SMAP2: variants seen among roughly 807,000 people sequenced by gnomAD.
SMAP2 encodes the protein stromal membrane-associated protein 2.
A neutral mutation model predicts 56.4 loss-of-function variants in SMAP2; 25 were observed. That is an observed-to-expected ratio of 0.44 (90% CI 0.32 to 0.62). The LOEUF is 0.62. SMAP2 is among the 20% of genes least tolerant of loss of function. The pLI, the probability that SMAP2 is intolerant of heterozygous loss-of-function variation, is 0.04. For missense variants in SMAP2, 388 were observed against 545.6 expected (o/e 0.71, Z 2.88); for synonymous variants, 157 against 181.7 (o/e 0.86, Z 1.09).
intron 1 of SMAP2, among the ~76,000 whole-genome samples, chr1:40,404,190 C>T (rs1228954180): frequency 6.6e-6 from 1 of 152,102 alleles, no homozygotes; most frequent in Non-Finnish European, 1.5e-5. Context: ...TTTCTTTTCT[C>T]TAATTTCAGA....
intron 1 of SMAP2, among the ~76,000 whole-genome samples, chr1:40,394,913 G>A (rs994520769): frequency 6.6e-6 from 1 of 152,084 alleles, no homozygotes; most frequent in East Asian, 1.9e-4. Context: ...TCAGAAAAAG[G>A]CCTGTGCGTC....
chr1:40,384,392 G>A (rs1467681803), intron 1 of SMAP2, among the ~76,000 whole-genome samples: 1 of 152,182 alleles, frequency 6.6e-6, no homozygotes, highest in Non-Finnish European at 1.5e-5. Flanking sequence ...AAAATATTTT[G>A]TCTTGTAAGG....
chr1:40,405,078 T>C (rs1644873282), intron 1 of SMAP2, among the ~76,000 whole-genome samples: 1 of 150,466 alleles, frequency 6.6e-6, no homozygotes. Context: ...CGATAGTAAA[T>C]AAGTGATATC....
intron 1 of SMAP2, among the ~76,000 whole-genome samples, chr1:40,352,585 C>T (rs1557820762): frequency 6.6e-6 from 1 of 152,020 alleles, no homozygotes. Flanking sequence ...GTCATCCAAG[C>T]TGGAGTGCAG....
chr1:40,358,847 G>T (rs1644448119), intron 1 of SMAP2, among the ~76,000 whole-genome samples: 1 of 152,090 alleles, frequency 6.6e-6, no homozygotes, highest in South Asian at 2.1e-4. Flanking sequence ...TTAATGTATT[G>T]GGGTCTATTT....
chr1:40,399,181 G>A (rs1334544913), intron 1 of SMAP2, among the ~76,000 whole-genome samples: 2 of 151,926 alleles, frequency 1.3e-5, no homozygotes, highest in African/African-American at 4.8e-5. Flanking sequence ...GCCTTGCTCT[G>A]TTGCCCAGGC....
In SMAP2 at chr1:40,417,047, C is replaced by T; in HGVS notation, c.1115C>T (p.Thr372Ile). 1 of 1,613,818 alleles carries T rather than the reference C, an allele frequency of 6.2e-7. No homozygotes were observed. Among genetic ancestry groups the T allele is most frequent in the Non-Finnish European group, 8.5e-7 (1 of 1,179,788 alleles). The change falls in exon 9 of 10, where the codon ACT becomes ATT. Residue 372 changes from threonine (T) to isoleucine (I), a missense_variant. Coordinates refer to ENST00000372718, the MANE Select transcript of SMAP2 (RefSeq NM_022733.3). ...YMAGMAAMPQ[T>I]VYGVQPAQQL... ...GCAGGCATGGCAGCTATGCCCCAGA[C>T]TGTGTATGGGGTCCAGCCAGCTCAG...
chr1:40,403,813 A>C (rs1644859572), intron 1 of SMAP2: 1 of 249,288 alleles, frequency 4.0e-6, no homozygotes, highest in Admixed American at 6.5e-5. Context: ...TAAGTCCTAC[A>C]ACTGGCAGAG....
At chr1:40,393,278 G>T in intron 1 of SMAP2, 1 of 1,481,956 alleles carries the variant, frequency 6.7e-7, no homozygotes. Flanking sequence ...CTGCACTCTA[G>T]CTTGGGCAAC....
chr1:40,361,018 C>T (rs1644457828), intron 1 of SMAP2, among the ~76,000 whole-genome samples: 1 of 152,330 alleles, frequency 6.6e-6, no homozygotes, highest in African/African-American at 2.4e-5. Context: ...CCAGCTGGGG[C>T]TGCCAAGGTA....
chr1:40,420,334 C>A (rs149721791), intron 9 of SMAP2, among the ~76,000 whole-genome samples: 15 of 152,054 alleles, frequency 9.9e-5, no homozygotes, highest in Non-Finnish European at 1.6e-4. Context: ...GTCAGAGGGA[C>A]GCATGAGCCA....
chr1:40,411,622 T>G (rs956599515), intron 4 of SMAP2, among the ~76,000 whole-genome samples: 1 of 152,248 alleles, frequency 6.6e-6, no homozygotes, highest in Non-Finnish European at 1.5e-5. Context: ...CTTAGATTTT[T>G]TTCATATTTT....
intron 2 of SMAP2, chr1:40,364,744 CAA>C (rs35274026): frequency 3.6e-5 from 5 of 138,490 alleles, no homozygotes; most frequent in Admixed American, 7.2e-5. Flanking sequence ...ACCCTGTCTC[CAA>C]AAAAAAAAAA....
chr1:40,375,152 C>A, intron 1 of SMAP2: 2 of 912,074 alleles, frequency 2.2e-6, no homozygotes, highest in Non-Finnish European at 2.6e-6. Context: ...TGGCACTTGA[C>A]ATTTATACAA....
intron 9 of SMAP2, among the ~76,000 whole-genome samples, chr1:40,418,281 A>G (rs1209856482): frequency 6.6e-6 from 1 of 152,228 alleles, no homozygotes; most frequent in East Asian, 1.9e-4. Flanking sequence ...TAGCTAAAGA[A>G]CAATAGATTG....
Position 40,385,845 on chromosome 1 carries a change from T to C in SMAP2, c.103+11622T>C, listed in dbSNP as rs1017036317. 6.6e-6 allele frequency among the ~76,000 whole-genome samples: 1 copy of C among 152,176 alleles called. No homozygotes were observed. The highest frequency in any genetic ancestry group is 1.5e-5 in the Non-Finnish European group (1 of 68,036). On this transcript the variant is annotated intron_variant, in intron 1 of 9. Transcript: ENST00000372718. The surrounding 1 kb of genome is among the most constrained non-coding windows in gnomAD (Gnocchi z 4.5). Reference sequence around the variant, plus strand: ...CAGTACATTTTGTTCTTTAACTTCCTCTTTTCTTGTCTAACTGGAAGTCCC... The same window carrying C: ...CAGTACATTTTGTTCTTTAACTTCCCCTTTTCTTGTCTAACTGGAAGTCCC...
At chr1:40,413,185 G>A in intron 5 of SMAP2, 83 bp downstream of exon 5, 1 of 1,001,362 alleles carries the variant, frequency 1.0e-6, no homozygotes, top group Non-Finnish European at 1.6e-6. Context: ...GTCTCGTGGT[G>A]AGTACCATTG....
rs1228051584 is a variant in SMAP2, at chr1:40,416,156, C to T, written c.682-20C>T. On this transcript the variant is annotated intron_variant, in intron 7 of 9. Transcript: ENST00000372718. ...CCATGAGAACCATTTCAATTCTCCC[C>T]CCGCCCTCTTTGCCCTAAGGTTGTA... 7 of 1,609,232 alleles carry T rather than the reference C, an allele frequency of 4.3e-6. No homozygotes were observed. The highest frequency in any genetic ancestry group is 5.9e-6 in the Non-Finnish European group (7 of 1,177,794).
At chr1:40,376,370 G>A (rs564791069) in intron 1 of SMAP2, among the ~76,000 whole-genome samples, 2 of 152,302 alleles carry the variant, frequency 1.3e-5, no homozygotes, top group Admixed American at 1.3e-4. Context: ...ACTGTTGATG[G>A]TAGAATCCTG....
Sources: gnomAD v4.1 joint callset for allele counts (sites outside exome capture counted in the v4.1 genomes callset) on GRCh38, gnomAD v4.1.1 for gene constraint, Gnocchi (gnomAD v3.1) non-coding constraint, MANE v1.5 for transcripts, NCBI Gene and HGNC (gene_info 2026-07-23, HGNC 2026-07-21) for gene names.